The following R3HDM2 variants were observed in gnomAD, a reference collection of about 807,000 sequenced individuals.
R3HDM2 encodes R3H domain containing 2, also known as R3H domain-containing protein 2.
A neutral mutation model predicts 124.5 loss-of-function variants in R3HDM2; 38 were observed. The ratio of observed to expected loss-of-function variants is 0.31; its 90% CI spans 0.24 to 0.40. R3HDM2 has a LOEUF of 0.40. R3HDM2 is among the 10% of genes least tolerant of loss of function. The probability of loss-of-function intolerance (pLI) is 1.00; values close to 1 mark genes in which losing one functional copy is unlikely to be tolerated. For synonymous variants in R3HDM2, 391 were observed against 448.0 expected, an observed-to-expected ratio of 0.87 and a Z score of 1.61; for missense variants, 869 against 1,236.9, an observed-to-expected ratio of 0.70 and a Z score of 4.46.
At chr12:57,386,124 T>C (rs931363203) in intron 2 of R3HDM2, among the ~76,000 whole-genome samples, 3 of 150,286 alleles carry the variant, frequency 2.0e-5, no homozygotes, top group African/African-American at 7.3e-5. Flanking sequence ...TAACATGCAA[T>C]AGGTTTGAGA....
At chr12:57,404,555 T>C (rs1427698184) in intron 1 of R3HDM2, among the ~76,000 whole-genome samples, 1 of 151,836 alleles carries the variant, frequency 6.6e-6, no homozygotes. Flanking sequence ...TTAAAAAAAT[T>C]AAATGGGCAT....
chr12:57,312,957 A>G (rs1399718676), intron 2 of R3HDM2, among the ~76,000 whole-genome samples: 1 of 150,624 alleles, frequency 6.6e-6, no homozygotes, highest in Non-Finnish European at 1.5e-5. Flanking sequence ...AAAAAGTCAT[A>G]TAGTTGAATT....
At chr12:57,424,727 C>T (rs1208709499) in intron 1 of R3HDM2, among the ~76,000 whole-genome samples, 1 of 152,090 alleles carries the variant, frequency 6.6e-6, no homozygotes, top group African/African-American at 2.4e-5. Flanking sequence ...TTTTAAGAGA[C>T]AGGCTCTCAT....
At chr12:57,413,627 T>C (rs1369167452) in intron 1 of R3HDM2, among the ~76,000 whole-genome samples, 1 of 151,152 alleles carries the variant, frequency 6.6e-6, no homozygotes, top group African/African-American at 2.4e-5. Context: ...TCCCAGCTAC[T>C]CAGGAGGCTG....
intron 1 of R3HDM2, among the ~76,000 whole-genome samples, chr12:57,421,279 G>A (rs2070165464): frequency 7.0e-6 from 1 of 142,880 alleles, no homozygotes; most frequent in Non-Finnish European, 1.5e-5. Flanking sequence ...AGCCTCCCGA[G>A]TAGCTGGGAT....
intron 13 of R3HDM2, among the ~76,000 whole-genome samples, chr12:57,283,465 G>T (rs115732087): frequency 6.6e-6 from 1 of 152,172 alleles, no homozygotes; most frequent in Admixed American, 6.5e-5. Context: ...TGGGCTGGGC[G>T]TGGTGACTCA....
intron 1 of R3HDM2, among the ~76,000 whole-genome samples, chr12:57,396,162 G>T (rs539916884): frequency 1.3e-5 from 2 of 152,248 alleles, no homozygotes; most frequent in South Asian, 4.1e-4. Flanking sequence ...AGTCTAGGCC[G>T]GGCGCGGTGG....
chr12:57,426,313 C>T (rs2070736053), intron 1 of R3HDM2, among the ~76,000 whole-genome samples: 1 of 152,146 alleles, frequency 6.6e-6, no homozygotes, highest in South Asian at 2.1e-4. Context: ...TTTTTATCCT[C>T]AAACTTAGCA....
chr12:57,268,099 A>AT, intron 18 of R3HDM2: 1 of 419,328 alleles, frequency 2.4e-6, no homozygotes, highest in Non-Finnish European at 4.1e-6. Context: ...TGAAGCAGGA[A>AT]TTTTTTTCTG....
At chr12:57,335,889 G>A (rs1000890022) in intron 2 of R3HDM2, among the ~76,000 whole-genome samples, 30 of 151,922 alleles carry the variant, frequency 2.0e-4, no homozygotes, top group African/African-American at 5.1e-4. Context: ...GAACTTAAAT[G>A]TACAAGAGAA....
chr12:57,265,683 G>A (rs1200679457), intron 19 of R3HDM2, among the ~76,000 whole-genome samples: 4 of 152,064 alleles, frequency 2.6e-5, no homozygotes, highest in African/African-American at 9.7e-5. Flanking sequence ...CATCCAGGCT[G>A]GAGTGCAATG....
At chr12:57,283,716 G>A in intron 13 of R3HDM2, 108 bp downstream of exon 13, 2 of 1,108,084 alleles carry the variant, frequency 1.8e-6, no homozygotes, top group Non-Finnish European at 2.7e-6. Context: ...TCCAGCCTGG[G>A]CAACAGAGGA....
chr12:57,256,134 G>T, intron 22 of R3HDM2, 60 bp from the exon 23 acceptor site: 1 of 1,506,128 alleles, frequency 6.6e-7, no homozygotes, highest in Non-Finnish European at 9.2e-7. Flanking sequence ...CCTTGCATCA[G>T]AATGTCTGCC....
At position 57,254,978 on chromosome 12, in the gene R3HDM2, C is replaced by G. The variant is rs2038472181; in HGVS notation, c.2768G>C (p.Gly923Ala). ...AGTCCCACTGTTGTCCCCCCCACCC[C>G]CTCCAGGCAGCCCCTGAGCATCCTT... Reference protein sequence around the residue: ...WLKDAQGLPGGGGGDNSGTAE... With the variant: ...WLKDAQGLPGAGGGDNSGTAE... Residue 923 changes from glycine (G) to alanine (A), a missense_variant, in exon 24 of 24, where the codon GGG (glycine) becomes GCG (alanine). Physicochemically the swap from Gly to Ala is moderately conservative, Grantham distance 60. Transcript: ENST00000402412. 1.2e-6 allele frequency: 2 copies of G among 1,612,400 alleles called. No individual in the cohort carries two copies. Among genetic ancestry groups the G allele is most frequent in the East Asian group, 4.5e-5 (2 of 44,864 alleles).
chr12:57,291,636 A>C (rs1360795255), intron 11 of R3HDM2, among the ~76,000 whole-genome samples: 4 of 151,878 alleles, frequency 2.6e-5, no homozygotes, highest in Non-Finnish European at 5.9e-5. Flanking sequence ...CCTGGGTGAC[A>C]AAGCGAAACC....
intron 2 of R3HDM2, among the ~76,000 whole-genome samples, chr12:57,315,165 G>A (rs956868474): frequency 6.6e-6 from 1 of 151,910 alleles, no homozygotes; most frequent in African/African-American, 2.4e-5. Flanking sequence ...ACCCTCCCAA[G>A]TAGCTGGCAT....
intron 2 of R3HDM2, among the ~76,000 whole-genome samples, chr12:57,386,672 G>A (rs974130466): frequency 4.6e-5 from 7 of 152,344 alleles, no homozygotes; most frequent in South Asian, 2.1e-4. Context: ...TGCAGGACTC[G>A]CAGGCAGCTC....
intron 12 of R3HDM2, 31 bp downstream of exon 12, chr12:57,288,978 A>T: frequency 6.5e-7 from 1 of 1,548,230 alleles, no homozygotes; most frequent in Non-Finnish European, 8.7e-7. Context: ...AAGCTCAATG[A>T]GAAGCAGGGA....
At chr12:57,313,341 C>T (rs573009170) in intron 2 of R3HDM2, among the ~76,000 whole-genome samples, 6 of 152,090 alleles carry the variant, frequency 3.9e-5, no homozygotes, top group Non-Finnish European at 8.8e-5. Context: ...AGCAGGATCG[C>T]TTGAGCCCAG....
Sources: gnomAD v4.1 joint callset for allele counts (sites outside exome capture counted in the v4.1 genomes callset) on GRCh38, gnomAD v4.1.1 for gene constraint, MANE v1.5 for transcripts, NCBI Gene and HGNC (gene_info 2026-07-23, HGNC 2026-07-21) for gene names.